FOXN3: variants seen among roughly 807,000 people sequenced by gnomAD.
FOXN3 encodes forkhead box protein N3.
Under a neutral mutation model 38.4 loss-of-function variants are expected in FOXN3, and 7 were observed. That is an observed-to-expected ratio of 0.18 (90% CI 0.10 to 0.34). FOXN3 has a LOEUF of 0.34. Among genes scored for constraint, FOXN3 ranks in the 10% least tolerant of loss-of-function variants. FOXN3 has a pLI of 1.00. For missense variants in FOXN3, 456 were observed against 613.4 expected (o/e 0.74, Z 2.71); for synonymous variants, 230 against 242.2 (o/e 0.95, Z 0.47).
chr14:89,338,173 G>A (rs1218449437), intron 3 of FOXN3, among the ~76,000 whole-genome samples: 2 of 152,150 alleles, frequency 1.3e-5, no homozygotes, highest in Non-Finnish European at 2.9e-5. Flanking sequence ...TTGCTAAATT[G>A]TCTTTCATAG....
intron 1 of FOXN3, among the ~76,000 whole-genome samples, chr14:89,512,579 A>T (rs1261539557): frequency 6.6e-6 from 1 of 152,226 alleles, no homozygotes; most frequent in Non-Finnish European, 1.5e-5. Context: ...CCTAACTCCA[A>T]TGATAAGAAT....
Position 89,548,015 on chromosome 14 carries a change from G to A in FOXN3, c.-15+71013C>T, listed in dbSNP as rs899005310. On this transcript the variant is annotated intron_variant, in intron 1 of 6. Coordinates refer to the FOXN3 transcript ENST00000345097. This position sits in a 1 kb window ranked among gnomAD's most constrained non-coding sequence, Gnocchi z 4.8. ...GAGAGAAAGTAGGAGGTGGAAGGGG[G>A]AACTGGCAAAGGGAAAATACTTTCT... is the stretch of plus-strand genomic sequence containing the variant. Among the ~76,000 whole-genome samples, 1 of 152,160 alleles carries A rather than the reference G, an allele frequency of 6.6e-6. No individual in the cohort carries two copies. The highest frequency in any genetic ancestry group is 2.4e-5 in the African/African-American group (1 of 41,436).
At chr14:89,586,587 T>C (rs186033434) in intron 1 of FOXN3, among the ~76,000 whole-genome samples, 24 of 152,332 alleles carry the variant, frequency 1.6e-4, no homozygotes, top group Non-Finnish European at 2.6e-4. Flanking sequence ...CTGAAGTAGA[T>C]TGATGAAAAG....
chr14:89,372,703 T>C (rs1047722546), intron 2 of FOXN3, among the ~76,000 whole-genome samples: 6 of 145,086 alleles, frequency 4.1e-5, no homozygotes, highest in African/African-American at 1.5e-4. Flanking sequence ...TTAAAAACTA[T>C]GCGCTGTCTC....
At chr14:89,289,096 C>T (rs565447641) in intron 3 of FOXN3, among the ~76,000 whole-genome samples, 1 of 149,762 alleles carries the variant, frequency 6.7e-6, no homozygotes, top group Admixed American at 6.7e-5. Flanking sequence ...GCACAAGAAT[C>T]GCTTGAACCC....
At chr14:89,576,479 G>C (rs1342589265) in intron 1 of FOXN3, 1 of 150,534 alleles carries the variant, frequency 6.6e-6, no homozygotes, top group East Asian at 1.9e-4. Context: ...GACAAGGAAG[G>C]AATCTGAATG....
At chr14:89,324,276 C>T (rs1017087319) in intron 3 of FOXN3, among the ~76,000 whole-genome samples, 14 of 152,098 alleles carry the variant, frequency 9.2e-5, no homozygotes, top group South Asian at 2.1e-4. Flanking sequence ...AGCACCATTA[C>T]GGAATAGAAA....
intron 1 of FOXN3, among the ~76,000 whole-genome samples, chr14:89,559,125 G>A (rs1372633670): frequency 6.6e-6 from 1 of 151,936 alleles, no homozygotes; most frequent in Non-Finnish European, 1.5e-5. Flanking sequence ...TTTACTTTGG[G>A]AGGCCAAAGT....
intron 3 of FOXN3, among the ~76,000 whole-genome samples, chr14:89,299,889 CCCCT>C (rs748323661): frequency 2.6e-5 from 4 of 152,210 alleles, no homozygotes; most frequent in African/African-American, 4.8e-5. Context: ...TATCTAAAAT[CCCCT>C]CCATCAAGAG....
chr14:89,226,429 C>T (rs939214665), intron 4 of FOXN3, among the ~76,000 whole-genome samples: 42 of 152,194 alleles, frequency 2.8e-4, no homozygotes, highest in African/African-American at 9.9e-4. Flanking sequence ...TCTCACACCA[C>T]CACGCCCAGG....
chr14:89,446,995 G>A (rs902828649), intron 1 of FOXN3, among the ~76,000 whole-genome samples: 18 of 152,062 alleles, frequency 1.2e-4, no homozygotes, highest in African/African-American at 2.4e-5. Flanking sequence ...TCGGGAGTTC[G>A]AGACCAGCCT....
intron 1 of FOXN3, among the ~76,000 whole-genome samples, chr14:89,511,122 G>GTCTT (rs139002087): frequency 0.011 from 425 of 37,816 alleles, 57 homozygotes; most frequent in African/African-American, 0.013. Flanking sequence ...CCTGCTTGGT[G>GTCTT]TCTTTCTTTC....
At chr14:89,182,478 T>C (rs143878085) in intron 4 of FOXN3, among the ~76,000 whole-genome samples, 25 of 152,314 alleles carry the variant, frequency 1.6e-4, no homozygotes, top group African/African-American at 5.5e-4. Flanking sequence ...CCCCGTCACT[T>C]ACCCTAATTA....
chr14:89,248,777 T>G (rs1395950355), intron 4 of FOXN3, among the ~76,000 whole-genome samples: 1 of 152,228 alleles, frequency 6.6e-6, no homozygotes, highest in East Asian at 1.9e-4. Flanking sequence ...TTCAATTAAG[T>G]AAATCTCAAG....
At chr14:89,306,527 C>T (rs368895004) in intron 3 of FOXN3, among the ~76,000 whole-genome samples, 6 of 152,230 alleles carry the variant, frequency 3.9e-5, no homozygotes, top group Admixed American at 1.3e-4. Flanking sequence ...CCACCACGCC[C>T]GGCTAATTTT....
At chr14:89,403,295 G>A (rs571261338) in intron 2 of FOXN3, among the ~76,000 whole-genome samples, 1 of 152,046 alleles carries the variant, frequency 6.6e-6, no homozygotes, top group Non-Finnish European at 1.5e-5. Flanking sequence ...TCCACCTCCC[G>A]GGTTCAAGCG....
At chr14:89,443,051 C>T (rs1952181) in intron 1 of FOXN3, among the ~76,000 whole-genome samples, 97,459 of 152,100 alleles carry the variant, frequency 0.64, 31,544 homozygotes, top group Middle Eastern at 0.78. Flanking sequence ...TTTCTGCCAA[C>T]GGCTCAGCAA....
chr14:89,293,348 A>G (rs904238105), intron 3 of FOXN3, among the ~76,000 whole-genome samples: 1 of 152,176 alleles, frequency 6.6e-6, no homozygotes, highest in Admixed American at 6.5e-5. Context: ...AGTGCCACAG[A>G]CTGGGGGGTT....
At chr14:89,379,042 T>C (rs1890566750) in intron 2 of FOXN3, among the ~76,000 whole-genome samples, 2 of 152,146 alleles carry the variant, frequency 1.3e-5, no homozygotes. Flanking sequence ...GTTATGAGAA[T>C]AGAGGGTCAG....
Sources: allele counts gnomAD v4.1 joint callset (sites outside exome capture counted in the v4.1 genomes callset), GRCh38; gene constraint gnomAD v4.1.1; non-coding constraint Gnocchi (gnomAD v3.1); transcripts MANE v1.5; gene names NCBI Gene and HGNC (gene_info 2026-07-23, HGNC 2026-07-21).